The following FRS2 variants were observed in gnomAD, a reference collection of about 807,000 sequenced individuals.
The protein encoded by FRS2 is FGFR signalling adaptor.
A neutral mutation model predicts 43.9 loss-of-function variants in FRS2; 8 were observed. That is an observed-to-expected ratio of 0.18 (90% CI 0.11 to 0.33). FRS2 has a LOEUF of 0.33. Ranked by LOEUF, FRS2 falls within the 10% of genes least tolerant of loss-of-function variation. The pLI is 1.00. For missense variants in FRS2, 534 were observed against 627.6 expected (o/e 0.85, Z 1.59); for synonymous variants, 219 against 220.3 (o/e 0.99, Z 0.05).
chr12:69,537,341 T>A (rs1877414972), intron 3 of FRS2, among the ~76,000 whole-genome samples: 1 of 152,160 alleles, frequency 6.6e-6, no homozygotes, highest in Non-Finnish European at 1.5e-5. Context: ...ATGATAATTT[T>A]TTTTTTTACC....
chr12:69,501,732 G>A (rs913580708), intron 1 of FRS2, among the ~76,000 whole-genome samples: 2 of 152,148 alleles, frequency 1.3e-5, no homozygotes, highest in Non-Finnish European at 2.9e-5. Context: ...GGTGTGGACG[G>A]TTGTGTGGAA....
intron 1 of FRS2, among the ~76,000 whole-genome samples, chr12:69,522,363 C>G (rs1396838312): frequency 6.6e-6 from 1 of 151,900 alleles, no homozygotes; most frequent in Non-Finnish European, 1.5e-5. Flanking sequence ...TTATTCATTT[C>G]TTCTAGATTT....
chr12:69,482,413 T>A (rs946191844), intron 1 of FRS2, among the ~76,000 whole-genome samples: 4 of 152,202 alleles, frequency 2.6e-5, no homozygotes, highest in Non-Finnish European at 4.4e-5. Context: ...TGGTAGAAGC[T>A]GGGCCTTTTT....
At chr12:69,515,073 A>C (rs1874857062) in intron 1 of FRS2, among the ~76,000 whole-genome samples, 2 of 152,250 alleles carry the variant, frequency 1.3e-5, no homozygotes, top group African/African-American at 4.8e-5. Context: ...AGAGATTAAA[A>C]GATAGACCAA....
At chr12:69,522,304 C>T (rs1012649609) in intron 1 of FRS2, among the ~76,000 whole-genome samples, 5 of 150,922 alleles carry the variant, frequency 3.3e-5, no homozygotes, top group Non-Finnish European at 7.4e-5. Context: ...AGTCCCTCCT[C>T]CTCAGTTTTT....
intron 3 of FRS2, among the ~76,000 whole-genome samples, chr12:69,556,374 C>T (rs1879355001): frequency 6.6e-6 from 1 of 150,776 alleles, no homozygotes; most frequent in Non-Finnish European, 1.5e-5. Context: ...ACTCTGTTAC[C>T]AAGCCTGGAG....
intron 1 of FRS2, among the ~76,000 whole-genome samples, chr12:69,480,517 C>T (rs1871258591): frequency 6.6e-6 from 1 of 152,188 alleles, no homozygotes; most frequent in Non-Finnish European, 1.5e-5. Context: ...TGCAGTGACT[C>T]TTCATAGCGG....
In FRS2 at chr12:69,578,354, A is replaced by G. The variant is rs1881330668; in HGVS notation, c.*3399A>G. 2 of 152,630 alleles carry G rather than the reference A, an allele frequency of 1.3e-5. No individual in the cohort carries two copies. Among genetic ancestry groups the G allele is most frequent in the Admixed American group, 6.5e-5 (1 of 15,274 alleles). 9.5% of individuals were successfully genotyped at this position (152,630 alleles called of 1,614,324 possible). ...TCCTTGATGTTTGCCAAATTTGAAT[A>G]AAGGCATTGGTACGAAATTACAGAA... On this transcript the variant is annotated 3_prime_UTR_variant, in exon 9 of 9. Coordinates refer to ENST00000549921, the MANE Select transcript of FRS2 (RefSeq NM_001278356.2).
intron 1 of FRS2, among the ~76,000 whole-genome samples, chr12:69,508,727 G>A (rs575053667): frequency 6.6e-6 from 1 of 152,098 alleles, no homozygotes; most frequent in African/African-American, 2.4e-5. Context: ...CGTTCTTTTA[G>A]TTATTTGTTC....
intron 3 of FRS2, among the ~76,000 whole-genome samples, chr12:69,542,259 AC>A (rs1877982355): frequency 6.6e-6 from 1 of 152,236 alleles, no homozygotes; most frequent in Admixed American, 6.5e-5. Flanking sequence ...AGCCTTATCA[AC>A]TAGAGGAATT....
chr12:69,498,768 C>T (rs7132592), intron 1 of FRS2, among the ~76,000 whole-genome samples: 68,445 of 151,638 alleles, frequency 0.45, 17,880 homozygotes, highest in African/African-American at 0.72. Context: ...TTATTCAGGG[C>T]GTGGGAAACA....
At chr12:69,506,070 A>G (rs1873901539) in intron 1 of FRS2, among the ~76,000 whole-genome samples, 1 of 152,204 alleles carries the variant, frequency 6.6e-6, no homozygotes, top group African/African-American at 2.4e-5. Context: ...ATGAGACAGT[A>G]AAGTTGTCTT....
intron 3 of FRS2, among the ~76,000 whole-genome samples, chr12:69,550,276 A>C (rs1878762105): frequency 6.6e-6 from 1 of 152,118 alleles, no homozygotes. Context: ...CTTAAGTATC[A>C]CTCTAATCCA....
chr12:69,545,755 C>CAAAAAAAAAAAAA (rs60460901), intron 3 of FRS2, among the ~76,000 whole-genome samples: 215 of 80,066 alleles, frequency 2.7e-3, no homozygotes, highest in Non-Finnish European at 3.3e-3. Context: ...GACCCTGTCT[C>CAAAAAAAAAAAAA]AAAAAAAAAA....
intron 1 of FRS2, among the ~76,000 whole-genome samples, chr12:69,508,024 C>G (rs1263068650): frequency 2.1e-5 from 1 of 47,582 alleles, no homozygotes; most frequent in Non-Finnish European, 3.9e-5. Context: ...AACCCCGTCT[C>G]AAAAAAAAAA....
chr12:69,562,061 T>C, intron 3 of FRS2, 119 bp from the exon 4 acceptor site: 1 of 391,616 alleles, frequency 2.6e-6, no homozygotes, highest in Non-Finnish European at 4.5e-6. Flanking sequence ...TTATTCAATC[T>C]TTTAGACTTT....
intron 1 of FRS2, among the ~76,000 whole-genome samples, chr12:69,477,791 A>G (rs1217222827): frequency 6.7e-6 from 1 of 149,766 alleles, no homozygotes; most frequent in African/African-American, 2.5e-5. Context: ...CCCAGGCTGG[A>G]GTGCAGTGGC....
intron 4 of FRS2, among the ~76,000 whole-genome samples, chr12:69,567,197 TAC>T (rs981844990): frequency 6.6e-6 from 1 of 152,154 alleles, no homozygotes; most frequent in Non-Finnish European, 1.5e-5. Flanking sequence ...TCCCCCTTGA[TAC>T]TCACAGCTCT....
At position 69,573,985 on chromosome 12, in the gene FRS2, C is replaced by G. The variant is rs752812600; in HGVS notation, c.577-20C>G. On this transcript the variant is annotated intron_variant, in intron 8 of 8. Transcript: ENST00000549921. ...GTTTTTTTAAGTAAGTTAACTAATT[C>G]ACTTTCTGTTTTGTTTTAGGTACAT... 6.7e-7 allele frequency: 1 copy of G among 1,498,922 alleles called. No homozygotes were observed. The highest frequency in any genetic ancestry group is 1.2e-5 in the South Asian group (1 of 80,878). 92.9% of individuals were successfully genotyped at this position (1,498,922 alleles called of 1,614,324 possible).
Sources: allele counts gnomAD v4.1 joint callset (sites outside exome capture counted in the v4.1 genomes callset), GRCh38; gene constraint gnomAD v4.1.1; transcripts MANE v1.5; gene names NCBI Gene and HGNC (gene_info 2026-07-23, HGNC 2026-07-21).